Variants in LINGO2 observed in about 807,000 individuals in gnomAD.
The protein encoded by LINGO2 is leucine rich repeat and Ig domain containing 2.
In LINGO2, 14 loss-of-function variants were observed where a neutral mutation model predicts 30.6. The observed-to-expected ratio is 0.46, with a 90% CI of 0.30 to 0.72. LINGO2 has a LOEUF of 0.72. Ranked by LOEUF, LINGO2 falls within the 30% of genes least tolerant of loss-of-function variation. The pLI is 0.07. For missense variants in LINGO2, 729 were observed against 751.7 expected, an observed-to-expected ratio of 0.97 and a Z score of 0.35; for synonymous variants, 317 against 288.5, an observed-to-expected ratio of 1.10 and a Z score of -1.00.
intron 4 of LINGO2, among the ~76,000 whole-genome samples, chr9:28,020,087 G>T (rs1823037686): frequency 6.6e-6 from 1 of 152,134 alleles, no homozygotes; most frequent in Non-Finnish European, 1.5e-5. Flanking sequence ...CACTACACTA[G>T]ATGATGCTTA....
chr9:28,987,069 C>G, the LINGO2 span, among the ~76,000 whole-genome samples: 33 of 129,890 alleles, frequency 2.5e-4, no homozygotes, highest in East Asian at 3.0e-3. Context: ...TAAGTTCTAA[C>G]AGGTTTTTTT....
At chr9:28,344,592 C>A (rs1333118581) in intron 3 of LINGO2, among the ~76,000 whole-genome samples, 7 of 151,884 alleles carry the variant, frequency 4.6e-5, no homozygotes, top group African/African-American at 1.7e-4. Context: ...TATTTTTATT[C>A]TTTTCTGTTT....
intron 3 of LINGO2, among the ~76,000 whole-genome samples, chr9:28,360,711 C>G (rs1820405799): frequency 6.6e-6 from 1 of 152,098 alleles, no homozygotes; most frequent in Non-Finnish European, 1.5e-5. Flanking sequence ...TTCCTTTTAA[C>G]ATTCCTTTAA....
the LINGO2 span, among the ~76,000 whole-genome samples, chr9:28,939,825 T>G: frequency 1.3e-5 from 2 of 152,148 alleles, no homozygotes; most frequent in Admixed American, 1.3e-4. Flanking sequence ...CTGAATTCCC[T>G]CTGAGCCAAA....
At chr9:29,133,775 G>C in the LINGO2 span, among the ~76,000 whole-genome samples, 3 of 152,082 alleles carry the variant, frequency 2.0e-5, no homozygotes, top group Non-Finnish European at 2.9e-5. Context: ...TGCTACCATT[G>C]CAACATAAAT....
At chr9:28,967,557 T>C in the LINGO2 span, among the ~76,000 whole-genome samples, 1 of 152,280 alleles carries the variant, frequency 6.6e-6, no homozygotes, top group East Asian at 1.9e-4. Context: ...TTGCATGGGA[T>C]GATCATGTTA....
the LINGO2 span, among the ~76,000 whole-genome samples, chr9:28,976,586 T>G: frequency 4.6e-5 from 7 of 152,236 alleles, no homozygotes; most frequent in African/African-American, 1.7e-4. Context: ...AGGTACACTT[T>G]GTGACAAAAG....
intron 3 of LINGO2, among the ~76,000 whole-genome samples, chr9:28,315,271 G>A (rs1296359922): frequency 1.3e-5 from 2 of 151,938 alleles, no homozygotes; most frequent in African/African-American, 4.8e-5. Flanking sequence ...CCGACGAGGT[G>A]GCAGGCGCCT....
chr9:29,017,721 A>G, the LINGO2 span, among the ~76,000 whole-genome samples: 1 of 152,092 alleles, frequency 6.6e-6, no homozygotes, highest in Non-Finnish European at 1.5e-5. Flanking sequence ...AAGCTCCCCA[A>G]CAAGAGGAAA....
chr9:27,946,060 T>A (rs533759859), downstream of LINGO2, among the ~76,000 whole-genome samples: 41 of 152,310 alleles, frequency 2.7e-4, no homozygotes, highest in African/African-American at 8.9e-4. Flanking sequence ...ATTACTCTAG[T>A]CTGAAGTAGA....
chr9:28,861,616 T>C, the LINGO2 span, among the ~76,000 whole-genome samples: 2 of 151,508 alleles, frequency 1.3e-5, no homozygotes, highest in Non-Finnish European at 2.9e-5. Flanking sequence ...ATAAAATAAA[T>C]TAGCTGGGCA....
chr9:28,469,140 G>T (rs1825423636), intron 2 of LINGO2, among the ~76,000 whole-genome samples: 1 of 151,970 alleles, frequency 6.6e-6, no homozygotes, highest in African/African-American at 2.4e-5. Context: ...ATAAATTATG[G>T]AGTGGAAAAA....
chr9:28,777,088 C>T, the LINGO2 span, among the ~76,000 whole-genome samples: 1 of 152,212 alleles, frequency 6.6e-6, no homozygotes, highest in Admixed American at 6.5e-5. Context: ...TTCCCCTCCC[C>T]TTCCGCCATG....
At chr9:29,001,285 C>T in the LINGO2 span, among the ~76,000 whole-genome samples, 1 of 151,898 alleles carries the variant, frequency 6.6e-6, no homozygotes, top group Non-Finnish European at 1.5e-5. Flanking sequence ...TCATTTAATA[C>T]AGTGAAAACT....
chr9:28,224,158 G>A (rs1358635194), intron 4 of LINGO2, among the ~76,000 whole-genome samples: 6 of 152,074 alleles, frequency 3.9e-5, no homozygotes, highest in African/African-American at 7.2e-5. Context: ...TCTGCCTCTC[G>A]GGTTCACACC....
At chr9:28,095,111 A>G (rs1175572155) in intron 4 of LINGO2, among the ~76,000 whole-genome samples, 1 of 152,150 alleles carries the variant, frequency 6.6e-6, no homozygotes, top group Non-Finnish European at 1.5e-5. Context: ...AAACAATTAC[A>G]TATTTTATTT....
chr9:28,319,899 A>T (rs1338785793), intron 3 of LINGO2, among the ~76,000 whole-genome samples: 1 of 152,152 alleles, frequency 6.6e-6, no homozygotes, highest in Non-Finnish European at 1.5e-5. Context: ...AACAGAAAAG[A>T]AAAAGGTATT....
intron 1 of LINGO2, among the ~76,000 whole-genome samples, chr9:28,660,816 A>C (rs1828555390): frequency 1.3e-5 from 2 of 152,146 alleles, no homozygotes; most frequent in South Asian, 4.1e-4. Context: ...GTAGCATCAA[A>C]AATAAAAGAT....
the LINGO2 span, among the ~76,000 whole-genome samples, chr9:29,054,346 G>A: frequency 2.0e-5 from 3 of 152,286 alleles, no homozygotes; most frequent in Admixed American, 1.3e-4. Context: ...TTCTTTCAGA[G>A]TCCTGTCTTA....
Sources: gnomAD v4.1 joint callset for allele counts (sites outside exome capture counted in the v4.1 genomes callset) on GRCh38, gnomAD v4.1.1 for gene constraint, MANE v1.5 for transcripts, NCBI Gene and HGNC (gene_info 2026-07-23, HGNC 2026-07-21) for gene names.